Variants in LDLRAD3 observed in about 807,000 individuals in gnomAD.
LDLRAD3 encodes the protein low-density lipoprotein receptor class A domain-containing protein 3.
A neutral mutation model predicts 29.4 loss-of-function variants in LDLRAD3; 20 were observed. The observed-to-expected ratio is 0.68, with a 90% CI of 0.48 to 0.99. The LOEUF (loss-of-function observed/expected upper bound fraction) is 0.99. LDLRAD3 is among the 50% of genes least tolerant of loss of function. The pLI is 0.00. For synonymous variants in LDLRAD3, 157 were observed against 192.7 expected, an observed-to-expected ratio of 0.81 and a Z score of 1.53; for missense variants, 420 against 454.3, an observed-to-expected ratio of 0.92 and a Z score of 0.69.
At chr11:36,126,298 T>C (rs1853836347) in intron 4 of LDLRAD3, among the ~76,000 whole-genome samples, 1 of 152,130 alleles carries the variant, frequency 6.6e-6, no homozygotes, top group Non-Finnish European at 1.5e-5. Context: ...GTGAATCTGC[T>C]CATCAGGCAC....
At chr11:36,226,603 C>G (rs1338051848) in intron 4 of LDLRAD3, among the ~76,000 whole-genome samples, 1 of 152,172 alleles carries the variant, frequency 6.6e-6, no homozygotes, top group African/African-American at 2.4e-5. Flanking sequence ...GGGAAATTTA[C>G]CAATTTGTGC....
intron 2 of LDLRAD3, among the ~76,000 whole-genome samples, chr11:36,070,468 A>G (rs1268873191): frequency 6.6e-6 from 1 of 152,188 alleles, no homozygotes; most frequent in Non-Finnish European, 1.5e-5. Flanking sequence ...GTGGATATTT[A>G]TCTCATGGTA....
At chr11:36,038,987 T>G (rs7114058) in intron 2 of LDLRAD3, among the ~76,000 whole-genome samples, 4,451 of 149,028 alleles carry the variant, frequency 0.03, 179 homozygotes, top group African/African-American at 0.1. Context: ...TTTTTTTTTT[T>G]AGACGGAGTC....
chr11:36,168,498 CTTTTTTTTTT>C (rs5791083), intron 4 of LDLRAD3, among the ~76,000 whole-genome samples: 1 of 115,830 alleles, frequency 8.6e-6, no homozygotes, highest in Admixed American at 9.3e-5. Flanking sequence ...TTTCTTTCTT[CTTTTTTTTTT>C]TTTTTTTTTT....
At chr11:35,984,749 A>G (rs1590705361) in intron 1 of LDLRAD3, among the ~76,000 whole-genome samples, 1 of 152,158 alleles carries the variant, frequency 6.6e-6, no homozygotes, top group South Asian at 2.1e-4. Flanking sequence ...CTCCTGCCTC[A>G]GCCTCCCGAG....
In LDLRAD3 at chr11:36,227,209, C is replaced by T; in HGVS notation, c.579C>T (p.Val193=). The T allele has an allele frequency of 3.7e-6, 6 of 1,614,198 alleles. No homozygotes were observed. The highest frequency in any genetic ancestry group is 4.2e-6 in the Non-Finnish European group (5 of 1,180,028). The part of the protein sequence containing the change: ...FVLVVALLAL[V]LHHQRKRNNL... ...TGGTGGTGGCCCTGCTGGCACTGGTCTTGCACCACCAGCGGAAGCGGAACA... is the reference window on the plus strand; with the variant it reads ...TGGTGGTGGCCCTGCTGGCACTGGTTTTGCACCACCAGCGGAAGCGGAACA... Residue 193 remains valine, a synonymous_variant, in exon 5 of 6, where the codon GTC becomes GTT. Transcript: ENST00000315571.
At chr11:36,135,052 C>T (rs1294289358) in intron 4 of LDLRAD3, among the ~76,000 whole-genome samples, 3 of 152,216 alleles carry the variant, frequency 2.0e-5, no homozygotes, top group Non-Finnish European at 2.9e-5. Context: ...TCCTCTTCCT[C>T]ACTGTTGTAG....
intron 1 of LDLRAD3, among the ~76,000 whole-genome samples, chr11:36,007,363 A>G (rs1056284255): frequency 1.3e-5 from 2 of 152,178 alleles, no homozygotes; most frequent in East Asian, 3.9e-4. Context: ...TTGCAATTAT[A>G]TCTACTGGCC....
intron 4 of LDLRAD3, among the ~76,000 whole-genome samples, chr11:36,140,686 G>GT (rs1240824060): frequency 1.6e-4 from 24 of 152,120 alleles, no homozygotes; most frequent in African/African-American, 5.1e-4. Context: ...CTCCCTAAGT[G>GT]CTGGGATTAC....
At chr11:35,984,953 T>TC (rs1178106235) in intron 1 of LDLRAD3, among the ~76,000 whole-genome samples, 1 of 137,734 alleles carries the variant, frequency 7.3e-6, no homozygotes. Context: ...TTTTTTTTTT[T>TC]CCCTGAGACA....
chr11:36,014,453 A>C (rs1347679729), intron 1 of LDLRAD3, among the ~76,000 whole-genome samples: 1 of 152,208 alleles, frequency 6.6e-6, no homozygotes, highest in Admixed American at 6.5e-5. Context: ...GGAAGGGTGC[A>C]GTATGGGATG....
chr11:36,083,552 AT>A, intron 3 of LDLRAD3, among the ~76,000 whole-genome samples: 1 of 152,260 alleles, frequency 6.6e-6, no homozygotes. Context: ...AGAGTAATTG[AT>A]TTTTTAAAAT....
At chr11:36,078,038 A>G (rs1240682079) in intron 2 of LDLRAD3, among the ~76,000 whole-genome samples, 1 of 152,146 alleles carries the variant, frequency 6.6e-6, no homozygotes, top group Non-Finnish European at 1.5e-5. Context: ...TAGCCAGGGT[A>G]TCTTGATGAG....
At chr11:36,092,762 G>A (rs966434016) in intron 3 of LDLRAD3, among the ~76,000 whole-genome samples, 5 of 152,182 alleles carry the variant, frequency 3.3e-5, no homozygotes, top group South Asian at 2.1e-4. Flanking sequence ...TGGAATTTAC[G>A]TAAATGGAGA....
In LDLRAD3 at chr11:36,227,174, AT is replaced by A; in HGVS notation, c.549del (p.Phe183LeufsTer22). ...CTATGCCATCATCGGCAGCTCCGTCATTTTTGTGCTGGTGGTGGCCCTGCTG... is the reference window on the plus strand; with the variant it reads ...CTATGCCATCATCGGCAGCTCCGTCATTTTGTGCTGGTGGTGGCCCTGCTG... Reference protein sequence around the residue: ...ITYAIIGSSVIFVLVVALLAL... With the variant: ...ITYAIIGSSVXFVLVVALLAL... On this transcript the variant is annotated frameshift_variant, in exon 5 of 6. Coordinates refer to ENST00000315571, the MANE Select transcript of LDLRAD3 (RefSeq NM_174902.4). LOFTEE classifies it high-confidence loss of function. The A allele has an allele frequency of 6.2e-7, 1 of 1,613,908 alleles. No individual in the cohort carries two copies. The highest frequency in any genetic ancestry group is 8.5e-7 in the Non-Finnish European group (1 of 1,179,870).
intron 4 of LDLRAD3, among the ~76,000 whole-genome samples, chr11:36,174,980 C>CA (rs974355824): frequency 1.6e-4 from 24 of 145,666 alleles, no homozygotes; most frequent in African/African-American, 5.3e-4. Context: ...GACTCCGTCT[C>CA]AAAAAAAAAG....
rs139074226 is a variant in LDLRAD3 at position 36,174,963 on chromosome 11, A to G, written c.455-52122A>G. On this transcript the variant is annotated intron_variant, in intron 4 of 5. Transcript: ENST00000315571. ...TGCTACTCCACTCCAGCCTGGGGAC[A>G]GAGCGAGACTCCGTCTCAAAAAAAA... 7.9e-3 allele frequency among the ~76,000 whole-genome samples: 1,203 copies of G among 152,328 alleles called. 19 individuals carry two copies. Among genetic ancestry groups the G allele is most frequent in the African/African-American group, 0.028 (1,149 of 41,566 alleles).
At chr11:36,091,144 A>G (rs1043450445) in intron 3 of LDLRAD3, among the ~76,000 whole-genome samples, 1 of 152,160 alleles carries the variant, frequency 6.6e-6, no homozygotes, top group Non-Finnish European at 1.5e-5. Context: ...CTGGGAAGAC[A>G]AGGACTGTGT....
chr11:35,971,335 C>T (rs1167966750), intron 1 of LDLRAD3, among the ~76,000 whole-genome samples: 2 of 152,138 alleles, frequency 1.3e-5, no homozygotes, highest in East Asian at 1.9e-4. Flanking sequence ...GATTTGCATC[C>T]CCAAAACTCA....
Sources: gnomAD v4.1 joint callset for allele counts (sites outside exome capture counted in the v4.1 genomes callset) on GRCh38, gnomAD v4.1.1 for gene constraint, MANE v1.5 for transcripts, NCBI Gene and HGNC (gene_info 2026-07-23, HGNC 2026-07-21) for gene names.